The following TP63 variants were observed in gnomAD, a reference collection of about 807,000 sequenced individuals.
TP63 encodes tumor protein p63, also known as tumor protein 63.
TP63 carries 17 observed loss-of-function variants against 82.8 expected under a neutral mutation model. The ratio of observed to expected loss-of-function variants is 0.21; its 90% CI spans 0.14 to 0.31. The LOEUF is 0.31. TP63 is among the 10% of genes least tolerant of loss of function. The pLI is 1.00. For missense variants in TP63, 648 were observed against 895.3 expected, an observed-to-expected ratio of 0.72 and a Z score of 3.52; for synonymous variants, 330 against 321.7, an observed-to-expected ratio of 1.03 and a Z score of -0.28.
At chr3:189,874,561 A>G (rs542900872) in intron 10 of TP63, among the ~76,000 whole-genome samples, 1 of 152,172 alleles carries the variant, frequency 6.6e-6, no homozygotes, top group African/African-American at 2.4e-5. Context: ...TACTTTTAGC[A>G]TAAAAGTTTT....
intron 1 of TP63, chr3:189,645,361 TA>T (rs1712320384): frequency 2.3e-5 from 12 of 529,148 alleles, no homozygotes; most frequent in Admixed American, 1.5e-4. Context: ...AGCAGAACTG[TA>T]CTGGGTATTC....
rs571901413 is a variant in TP63 at position 189,651,753 on chromosome 3, T to G, written c.62+20176T>G. ...GAGGCCTAGGAGGGAAAAAATGGTT[T>G]CCTGGGCTGAGTCCAGGGCCCCCTG... On this transcript the variant is annotated intron_variant, in intron 1 of 13. Coordinates refer to ENST00000264731, the MANE Select transcript of TP63 (RefSeq NM_003722.5). 3.8e-4 allele frequency among the ~76,000 whole-genome samples: 55 copies of G among 146,504 alleles called. 5 individuals carry two copies. In the South Asian group the frequency reaches 0.012, roughly 32 times the overall value.
chr3:189,729,172 G>A (rs1190055536), intron 1 of TP63, among the ~76,000 whole-genome samples: 2 of 152,144 alleles, frequency 1.3e-5, no homozygotes, highest in African/African-American at 2.4e-5. Flanking sequence ...GAAGGGCATT[G>A]TATTCAGAGA....
At chr3:189,881,620 C>A in intron 10 of TP63, 1 of 737,466 alleles carries the variant, frequency 1.4e-6, no homozygotes, top group Non-Finnish European at 1.7e-6. Context: ...AGAATCATCA[C>A]TTTGTTCCTA....
chr3:189,811,533 A>G (rs993755781), intron 4 of TP63, among the ~76,000 whole-genome samples: 1 of 152,208 alleles, frequency 6.6e-6, no homozygotes, highest in Non-Finnish European at 1.5e-5. Flanking sequence ...GCAGCTACTG[A>G]GATCACCTAA....
At chr3:189,750,650 G>A (rs550061602) in intron 3 of TP63, among the ~76,000 whole-genome samples, 8 of 152,052 alleles carry the variant, frequency 5.3e-5, no homozygotes, top group African/African-American at 1.7e-4. Flanking sequence ...GTAATAAAAC[G>A]TTGGACTCTG....
chr3:189,819,038 G>A (rs1728502995), intron 4 of TP63, among the ~76,000 whole-genome samples: 1 of 152,188 alleles, frequency 6.6e-6, no homozygotes, highest in African/African-American at 2.4e-5. Context: ...TTGGAAGACG[G>A]TGGATAGTTG....
At chr3:189,823,233 G>A (rs1728978637) in intron 4 of TP63, among the ~76,000 whole-genome samples, 1 of 152,184 alleles carries the variant, frequency 6.6e-6, no homozygotes, top group African/African-American at 2.4e-5. Context: ...CTCTGAAGCT[G>A]TGGTTCTATG....
chr3:189,656,864 A>G (rs1713415553), intron 1 of TP63, among the ~76,000 whole-genome samples: 1 of 152,114 alleles, frequency 6.6e-6, no homozygotes, highest in Non-Finnish European at 1.5e-5. Context: ...TGAAGGGGAA[A>G]ATAGACAACT....
In TP63 at chr3:189,862,490, C is replaced by T. The variant is rs151270340; in HGVS notation, c.580-1742C>T. 1.0e-3 allele frequency among the ~76,000 whole-genome samples: 155 copies of T among 152,236 alleles called. 1 individual carries two copies. The highest frequency in any genetic ancestry group is 3.3e-3 in the African/African-American group (139 of 41,534). On this transcript the variant is annotated intron_variant, in intron 4 of 13. Transcript: ENST00000264731. Reference sequence around the variant, plus strand: ...GAATGTTTTCCTTAAGAAACTTCTACGCTGAACACTTAACCTTCATTTCTG... The same window carrying T: ...GAATGTTTTCCTTAAGAAACTTCTATGCTGAACACTTAACCTTCATTTCTG...
chr3:189,661,050 T>A (rs1473250114), intron 1 of TP63, among the ~76,000 whole-genome samples: 3 of 151,994 alleles, frequency 2.0e-5, no homozygotes, highest in African/African-American at 7.2e-5. Context: ...CCTTTTCTAT[T>A]TGGGTGTCTT....
intron 11 of TP63, among the ~76,000 whole-genome samples, chr3:189,888,148 G>C (rs768207631): frequency 6.6e-6 from 1 of 152,000 alleles, no homozygotes; most frequent in African/African-American, 2.4e-5. Context: ...GTGAGCCACC[G>C]CGCCTGGCCA....
intron 3 of TP63, chr3:189,789,960 A>C: frequency 1.1e-6 from 1 of 935,730 alleles, no homozygotes; most frequent in Non-Finnish European, 1.5e-6. Context: ...CAAATTGTAT[A>C]TAGGAATCTC....
At chr3:189,623,932 T>A in the TP63 span, among the ~76,000 whole-genome samples, 1 of 152,082 alleles carries the variant, frequency 6.6e-6, no homozygotes, top group Non-Finnish European at 1.5e-5. Context: ...GGGTAAAAAA[T>A]AAATAAATAA....
chr3:189,628,784 T>C (rs1163002894), upstream of TP63, among the ~76,000 whole-genome samples: 1 of 152,184 alleles, frequency 6.6e-6, no homozygotes, highest in Non-Finnish European at 1.5e-5. Context: ...GAAGCAATTA[T>C]GGTAATTATA....
In TP63 at chr3:189,652,705, C is replaced by A. The variant is rs1040911756; in HGVS notation, c.62+21128C>A. On this transcript the variant is annotated intron_variant, in intron 1 of 13. Coordinates refer to ENST00000264731, the MANE Select transcript of TP63 (RefSeq NM_003722.5). ...CAAATGTCATCTTGAATTTTAGTTC[C>A]CATAATCCCCACGTGTCATGGGAGG... 2.7e-5 allele frequency among the ~76,000 whole-genome samples: 4 copies of A among 146,708 alleles called. 1 individual carries two copies. Among genetic ancestry groups the A allele is most frequent in the Non-Finnish European group, 6.0e-5 (4 of 67,226 alleles).
At chr3:189,878,554 A>G (rs530958615) in intron 10 of TP63, among the ~76,000 whole-genome samples, 3 of 147,530 alleles carry the variant, frequency 2.0e-5, no homozygotes, top group South Asian at 2.2e-4. Context: ...ATGCCCGGCT[A>G]ATTTTTGTAT....
intron 10 of TP63, chr3:189,873,361 A>G (rs911433810): frequency 3.0e-6 from 1 of 331,320 alleles, no homozygotes. Flanking sequence ...TCTCATCCCA[A>G]TGGATTGTCT....
At chr3:189,744,442 G>A (rs1000519369) in intron 3 of TP63, among the ~76,000 whole-genome samples, 2 of 152,036 alleles carry the variant, frequency 1.3e-5, no homozygotes, top group African/African-American at 2.4e-5. Flanking sequence ...GGACAGGTTC[G>A]CCCAACTTGG....
Sources: allele counts gnomAD v4.1 joint callset (sites outside exome capture counted in the v4.1 genomes callset), GRCh38; gene constraint gnomAD v4.1.1; transcripts MANE v1.5; gene names NCBI Gene and HGNC (gene_info 2026-07-23, HGNC 2026-07-21).